TRDN: variants seen among roughly 807,000 people sequenced by gnomAD.
The protein encoded by TRDN is triadin, also known as triadin in skeletal muscle.
In TRDN, 161 loss-of-function variants were observed where a neutral mutation model predicts 149.7. The ratio of observed to expected loss-of-function variants is 1.08; its 90% confidence interval spans 0.95 to 1.23. The LOEUF (loss-of-function observed/expected upper bound fraction) is 1.23. TRDN is among the 50% of genes most tolerant of loss of function. The pLI, the probability that TRDN is intolerant of heterozygous loss-of-function variation, is 0.00. For missense variants in TRDN, 896 were observed against 823.5 expected (o/e 1.09, Z -1.08); for synonymous variants, 294 against 250.5 (o/e 1.17, Z -1.64).
intron 1 of TRDN, among the ~76,000 whole-genome samples, chr6:123,577,209 C>A (rs932235778): frequency 6.6e-6 from 1 of 151,932 alleles, no homozygotes; most frequent in Non-Finnish European, 1.5e-5. Context: ...TTTCATTTCA[C>A]GGGGGTTTGT....
chr6:123,267,084 A>C (rs1250445085), intron 32 of TRDN, among the ~76,000 whole-genome samples: 1 of 52,134 alleles, frequency 1.9e-5, no homozygotes, highest in Non-Finnish European at 3.4e-5. Context: ...TCCAGCCTGG[A>C]GAGAGAGATT....
At chr6:123,374,590 A>G (rs1781436878) in intron 19 of TRDN, among the ~76,000 whole-genome samples, 1 of 152,124 alleles carries the variant, frequency 6.6e-6, no homozygotes, top group Admixed American at 6.6e-5. Flanking sequence ...AAAAAAAGAC[A>G]TTCCTATCAA....
At chr6:123,475,239 C>T (rs1777412583) in intron 9 of TRDN, among the ~76,000 whole-genome samples, 5 of 148,530 alleles carry the variant, frequency 3.4e-5, no homozygotes, top group South Asian at 2.1e-4. Flanking sequence ...ACCACCGATC[C>T]CACAGAAATA....
intron 4 of TRDN, among the ~76,000 whole-genome samples, chr6:123,546,757 C>T (rs1330547527): frequency 6.6e-6 from 1 of 151,978 alleles, no homozygotes; most frequent in Non-Finnish European, 1.5e-5. Context: ...GACCACTTCA[C>T]TCAGTCACCT....
At chr6:123,254,513 A>C (rs1776484715) in intron 37 of TRDN, among the ~76,000 whole-genome samples, 1 of 151,972 alleles carries the variant, frequency 6.6e-6, no homozygotes, top group African/African-American at 2.4e-5. Context: ...AAGTAATTGA[A>C]TTTCCCTAAA....
At chr6:123,227,048 T>C (rs879944758) in intron 38 of TRDN, among the ~76,000 whole-genome samples, 5 of 151,862 alleles carry the variant, frequency 3.3e-5, no homozygotes, top group Non-Finnish European at 7.4e-5. Flanking sequence ...GATAAGATTA[T>C]CATGTGGAAC....
intron 12 of TRDN, among the ~76,000 whole-genome samples, chr6:123,432,067 T>A (rs1583011580): frequency 6.6e-6 from 1 of 152,120 alleles, no homozygotes; most frequent in African/African-American, 2.4e-5. Context: ...ACAGCACAAA[T>A]TCTTTATGAG....
chr6:123,581,832 T>A (rs781689219), intron 1 of TRDN, among the ~76,000 whole-genome samples: 3 of 152,146 alleles, frequency 2.0e-5, no homozygotes, highest in Non-Finnish European at 4.4e-5. Flanking sequence ...CAGAGAAAAC[T>A]TTTTGTAAGG....
intron 23 of TRDN, among the ~76,000 whole-genome samples, chr6:123,322,652 ATTATTT>A (rs1053444981): frequency 9.0e-6 from 1 of 110,578 alleles, no homozygotes; most frequent in Non-Finnish European, 1.9e-5. Context: ...TATTATTATT[ATTATTT>A]TTGAGACGGA....
At chr6:123,560,130 C>T (rs947432751) in intron 2 of TRDN, among the ~76,000 whole-genome samples, 5 of 152,176 alleles carry the variant, frequency 3.3e-5, no homozygotes, top group Non-Finnish European at 5.9e-5. Flanking sequence ...GCGGCGGCTG[C>T]CGCTGCTTAA....
At chr6:123,333,826 T>C (rs955417314) in intron 22 of TRDN, among the ~76,000 whole-genome samples, 2 of 152,058 alleles carry the variant, frequency 1.3e-5, no homozygotes, top group African/African-American at 2.4e-5. Flanking sequence ...AAACATTTTT[T>C]AAAATATAGT....
intron 22 of TRDN, among the ~76,000 whole-genome samples, chr6:123,333,615 G>T (rs1779748543): frequency 1.3e-5 from 2 of 151,942 alleles, no homozygotes; most frequent in Non-Finnish European, 2.9e-5. Context: ...CCCAGTTTAG[G>T]AAGTCCACAG....
chr6:123,477,840 A>T (rs1283876639), intron 9 of TRDN, among the ~76,000 whole-genome samples: 3 of 147,224 alleles, frequency 2.0e-5, no homozygotes, highest in Admixed American at 1.4e-4. Flanking sequence ...ATTCTCACTC[A>T]TAGGTGGGAA....
At chr6:123,380,383 T>TGCA (rs1781669321) in intron 16 of TRDN, among the ~76,000 whole-genome samples, 1 of 152,206 alleles carries the variant, frequency 6.6e-6, no homozygotes, top group Admixed American at 6.5e-5. Context: ...TTCCTGCTGG[T>TGCA]GCAGCGTTTA....
intron 24 of TRDN, among the ~76,000 whole-genome samples, chr6:123,302,586 A>G (rs1246699047): frequency 2.0e-5 from 3 of 152,146 alleles, no homozygotes; most frequent in Non-Finnish European, 4.4e-5. Flanking sequence ...GTGCATAGTC[A>G]TTCAACAGAT....
chr6:123,433,252 T>A (rs529489502), intron 12 of TRDN, among the ~76,000 whole-genome samples: 2 of 149,932 alleles, frequency 1.3e-5, no homozygotes, highest in African/African-American at 4.9e-5. Context: ...TTAAATGCTG[T>A]CTCTCAGAGA....
intron 7 of TRDN, chr6:123,510,040 C>T (rs1249852121): frequency 1.3e-5 from 2 of 152,010 alleles, no homozygotes; most frequent in African/African-American, 4.8e-5. Context: ...ACATCTATCA[C>T]ATATGATTTC....
chr6:123,298,613 C>CATTG (rs758032282), intron 24 of TRDN, among the ~76,000 whole-genome samples: 14 of 152,054 alleles, frequency 9.2e-5, no homozygotes, highest in Non-Finnish European at 1.9e-4. Context: ...AGCACTTGTG[C>CATTG]ATTGTCACAC....
rs1213841750 is a variant in TRDN, at chr6:123,497,638, GT to G, written c.794-387del. Among the ~76,000 whole-genome samples the G allele has an allele frequency of 4.6e-5, 7 of 152,100 alleles. 1 individual carries two copies. The highest frequency in any genetic ancestry group is 1.7e-4 in the African/African-American group (7 of 41,440). ...AACAGAAGTTTCACAAGAGGAAATT[GT>G]TTCCAACTTGGAGTGTTTTATCAAA... On this transcript the variant is annotated intron_variant, in intron 8 of 40. Coordinates refer to ENST00000334268, the MANE Select transcript of TRDN (RefSeq NM_006073.4).
Sources: gnomAD v4.1 joint callset for allele counts (sites outside exome capture counted in the v4.1 genomes callset) on GRCh38, gnomAD v4.1.1 for gene constraint, MANE v1.5 for transcripts, NCBI Gene and HGNC (gene_info 2026-07-23, HGNC 2026-07-21) for gene names.